The following CTIF variants were observed in gnomAD, a reference collection of about 807,000 sequenced individuals.
CTIF encodes CBP80/20-dependent translation initiation factor.
In CTIF, 21 loss-of-function variants were observed where a neutral mutation model predicts 66.0. That is an observed-to-expected ratio of 0.32 (90% confidence interval 0.23 to 0.46). The LOEUF is 0.46. CTIF is among the 20% of genes least tolerant of loss of function. CTIF has a pLI of 1.00. For synonymous variants in CTIF, 345 were observed against 326.4 expected, an observed-to-expected ratio of 1.06 and a Z score of -0.62; for missense variants, 739 against 812.7, an observed-to-expected ratio of 0.91 and a Z score of 1.10.
intron 7 of CTIF, among the ~76,000 whole-genome samples, chr18:48,735,880 T>G (rs2092497481): frequency 6.6e-6 from 1 of 152,072 alleles, no homozygotes; most frequent in Non-Finnish European, 1.5e-5. Context: ...AAACACTCCG[T>G]AAATGTTTGT....
chr18:48,691,902 G>A (rs1010727225), intron 6 of CTIF, among the ~76,000 whole-genome samples: 3 of 152,098 alleles, frequency 2.0e-5, no homozygotes, highest in Admixed American at 6.5e-5. Flanking sequence ...TTCTTTTTGA[G>A]ACAGAGTCTC....
At chr18:48,644,499 GTCTGTCTT>G (rs1380016089) in intron 3 of CTIF, among the ~76,000 whole-genome samples, 1 of 152,220 alleles carries the variant, frequency 6.6e-6, no homozygotes, top group African/African-American at 2.4e-5. Context: ...CAGCGTGTAT[GTCTGTCTT>G]TCAGAAAATG....
chr18:48,792,325 G>A (rs1367535198), intron 9 of CTIF, among the ~76,000 whole-genome samples: 1 of 152,170 alleles, frequency 6.6e-6, no homozygotes, highest in South Asian at 2.1e-4. Context: ...GCCATGGGAA[G>A]GCATCAGGTC....
intron 10 of CTIF, among the ~76,000 whole-genome samples, chr18:48,854,679 G>C (rs971000473): frequency 1.3e-5 from 2 of 152,090 alleles, no homozygotes; most frequent in Non-Finnish European, 2.9e-5. Flanking sequence ...TCAGTGCTTT[G>C]GGAGGCCAAG....
chr18:48,849,263 T>C (rs1273393417), intron 10 of CTIF, among the ~76,000 whole-genome samples: 1 of 143,650 alleles, frequency 7.0e-6, no homozygotes, highest in African/African-American at 2.6e-5. Flanking sequence ...AGTCGTGAGA[T>C]CTCGGCTCAC....
At chr18:48,541,477 G>C (rs191034003) in intron 1 of CTIF, among the ~76,000 whole-genome samples, 62 of 152,348 alleles carry the variant, frequency 4.1e-4, no homozygotes, top group African/African-American at 1.5e-3. Flanking sequence ...TCCTGCCCAG[G>C]GCCCGATCTG....
chr18:48,698,960 G>C (rs570708034), intron 6 of CTIF, among the ~76,000 whole-genome samples: 1 of 152,272 alleles, frequency 6.6e-6, no homozygotes, highest in South Asian at 2.1e-4. Flanking sequence ...TGTGTTGCCT[G>C]AATGAATGAA....
intron 10 of CTIF, among the ~76,000 whole-genome samples, chr18:48,824,169 AAAG>A (rs2068538200): frequency 6.6e-6 from 1 of 152,234 alleles, no homozygotes; most frequent in African/African-American, 2.4e-5. Context: ...AGAGTCAACC[AAAG>A]AAGTAAAAAA....
In CTIF at chr18:48,603,499, G is replaced by GGATGGA. The variant is rs1568065426; in HGVS notation, c.-28-16039_-28-16038insGATGGA. Among the ~76,000 whole-genome samples the GGATGGA allele has an allele frequency of 4.7e-3, 527 of 112,982 alleles. 8 individuals are homozygous for GGATGGA. The highest frequency in any genetic ancestry group is 0.018 in the African/African-American group (487 of 27,784). 74.1% of individuals were successfully genotyped at this position (112,982 alleles called of 152,430 possible). ...GATGGGTGGGTGGGTGGGTGGGTGG[G>GGATGGA]TGGATGGATGGATGGATGGATGGAT... On this transcript the variant is annotated intron_variant, in intron 1 of 11. Transcript: ENST00000256413.
At chr18:48,604,540 G>GT (rs1201603854) in intron 1 of CTIF, among the ~76,000 whole-genome samples, 1 of 152,016 alleles carries the variant, frequency 6.6e-6, no homozygotes, top group African/African-American at 2.4e-5. Context: ...AACAACTATG[G>GT]TTTTTTTGGA....
At chr18:48,597,182 G>A (rs1444975519) in intron 1 of CTIF, among the ~76,000 whole-genome samples, 1 of 152,200 alleles carries the variant, frequency 6.6e-6, no homozygotes, top group Non-Finnish European at 1.5e-5. Flanking sequence ...ATTTATCATC[G>A]ATTTGCTGAC....
intron 1 of CTIF, among the ~76,000 whole-genome samples, chr18:48,588,263 C>G (rs571419377): frequency 6.6e-6 from 1 of 152,360 alleles, no homozygotes; most frequent in Non-Finnish European, 1.5e-5. Context: ...CCAGGCCTTT[C>G]ATGCTTTCCA....
intron 10 of CTIF, among the ~76,000 whole-genome samples, chr18:48,820,144 C>A (rs1334205597): frequency 6.6e-6 from 1 of 152,204 alleles, no homozygotes; most frequent in Non-Finnish European, 1.5e-5. Flanking sequence ...AGCTCCTGAA[C>A]TCCAGGTAGG....
intron 7 of CTIF, among the ~76,000 whole-genome samples, chr18:48,742,432 G>A (rs572348838): frequency 2.5e-3 from 376 of 152,342 alleles, no homozygotes; most frequent in African/African-American, 8.5e-3. Context: ...CTGCAGACCC[G>A]CCTCTAAGAG....
intron 7 of CTIF, among the ~76,000 whole-genome samples, chr18:48,735,974 G>A (rs764473172): frequency 1.3e-5 from 2 of 152,158 alleles, no homozygotes; most frequent in Non-Finnish European, 2.9e-5. Context: ...ACACCCGGGT[G>A]GTCTGGTGGT....
intron 7 of CTIF, among the ~76,000 whole-genome samples, chr18:48,730,052 C>T (rs8096613): frequency 0.1 from 15,393 of 152,272 alleles, 862 homozygotes; most frequent in African/African-American, 0.15. Flanking sequence ...TGCTGCCCAG[C>T]GCAGTCACCA....
intron 6 of CTIF, among the ~76,000 whole-genome samples, chr18:48,709,621 C>T (rs540231884): frequency 2.0e-5 from 3 of 152,116 alleles, no homozygotes; most frequent in Non-Finnish European, 4.4e-5. Flanking sequence ...GGGGCACACC[C>T]GGTGTGTTCC....
chr18:48,722,628 A>C (rs893701437), intron 7 of CTIF, among the ~76,000 whole-genome samples: 2 of 151,186 alleles, frequency 1.3e-5, no homozygotes, highest in Admixed American at 6.6e-5. Context: ...GGCCGTACTC[A>C]TCGGCACTCA....
chr18:48,706,772 A>G (rs1598902998), intron 6 of CTIF, among the ~76,000 whole-genome samples: 1 of 152,090 alleles, frequency 6.6e-6, no homozygotes, highest in African/African-American at 2.4e-5. Flanking sequence ...TCAGGACAGG[A>G]GTGTATGTGC....
Sources: allele counts gnomAD v4.1 joint callset (sites outside exome capture counted in the v4.1 genomes callset), GRCh38; gene constraint gnomAD v4.1.1; transcripts MANE v1.5; gene names NCBI Gene and HGNC (gene_info 2026-07-23, HGNC 2026-07-21).